The following ABAT variants were observed in gnomAD, a reference collection of about 807,000 sequenced individuals.
ABAT encodes the protein 4-aminobutyrate aminotransferase, mitochondrial.
A neutral mutation model predicts 64.6 loss-of-function variants in ABAT; 45 were observed. That is an observed-to-expected ratio of 0.70 (90% confidence interval 0.55 to 0.89). The LOEUF is 0.89. Among genes scored for constraint, ABAT ranks in the 40% least tolerant of loss-of-function variants. ABAT has a pLI of 0.00. For missense variants in ABAT, 633 were observed against 658.4 expected (o/e 0.96, Z 0.42); for synonymous variants, 297 against 250.5 (o/e 1.19, Z -1.75).
intron 1 of ABAT, among the ~76,000 whole-genome samples, chr16:8,698,503 C>G (rs113486306): frequency 6.6e-6 from 1 of 151,946 alleles, no homozygotes; most frequent in African/African-American, 2.4e-5. Flanking sequence ...CCAGCTAATT[C>G]TTGTATGTTT....
intron 14 of ABAT, among the ~76,000 whole-genome samples, chr16:8,778,572 C>T (rs1004882177): frequency 2.0e-5 from 3 of 151,970 alleles, no homozygotes; most frequent in South Asian, 2.1e-4. Flanking sequence ...GTCAGGAGTT[C>T]GAAACCAGCC....
At chr16:8,743,823 A>C (rs914397872) in intron 2 of ABAT, among the ~76,000 whole-genome samples, 1 of 151,932 alleles carries the variant, frequency 6.6e-6, no homozygotes, top group African/African-American at 2.4e-5. Flanking sequence ...AATTATGGCA[A>C]CCCCAGTAAG....
intron 1 of ABAT, among the ~76,000 whole-genome samples, chr16:8,677,088 C>CTCT (rs2057221713): frequency 6.6e-6 from 1 of 152,182 alleles, no homozygotes; most frequent in Non-Finnish European, 1.5e-5. Context: ...CCCTGGAGAC[C>CTCT]TCTTATCTGG....
intron 5 of ABAT, chr16:8,757,161 A>G (rs781722662): frequency 4.4e-6 from 2 of 452,404 alleles, no homozygotes; most frequent in South Asian, 3.1e-5. Context: ...TCTTGCATTT[A>G]TCTCCCTTTT....
intron 1 of ABAT, among the ~76,000 whole-genome samples, chr16:8,711,516 C>A (rs1348869773): frequency 6.6e-6 from 1 of 152,154 alleles, no homozygotes; most frequent in South Asian, 2.1e-4. Context: ...AGATGCTCAA[C>A]ATAGGAAAGG....
In ABAT at chr16:8,750,655, C is replaced by T. The variant is rs1245309338; in HGVS notation, c.316+116C>T. The T allele has an allele frequency of 3.3e-6, 3 of 897,600 alleles. No individual in the cohort carries two copies. The East Asian group carries it at 7.2e-5, about 22-fold the overall frequency. The allele number at this position is 897,600 out of a possible 1,614,324, so 55.6% of individuals were successfully genotyped here. A position where few individuals can be genotyped will look rare whatever the true frequency, so the allele number is the denominator to read the frequency against. ...AGGCACATCCCAGAGTGTTGCCTGA[C>T]ACTTCACCCAAGGGTAGGAAAAAAA... On this transcript the variant is annotated intron_variant, in intron 5 of 15. Transcript: ENST00000268251.
At chr16:8,769,734 C>A (rs972785058) in intron 11 of ABAT, among the ~76,000 whole-genome samples, 12 of 152,078 alleles carry the variant, frequency 7.9e-5, no homozygotes, top group Non-Finnish European at 1.8e-4. Flanking sequence ...ACAGGCAGCA[C>A]CCCCCTACCC....
intron 1 of ABAT, among the ~76,000 whole-genome samples, chr16:8,730,192 C>T (rs888188134): frequency 1.3e-5 from 2 of 152,292 alleles, no homozygotes; most frequent in East Asian, 1.9e-4. Flanking sequence ...CTTGATGATG[C>T]TTAGAGGGTA....
intron 1 of ABAT, among the ~76,000 whole-genome samples, chr16:8,708,434 A>G (rs114402515): frequency 0.014 from 2,050 of 151,832 alleles, 38 homozygotes; most frequent in African/African-American, 0.047. Flanking sequence ...TTCTGTAGAG[A>G]CAGGGATGGC....
At chr16:8,716,722 C>G (rs1228067079) in intron 1 of ABAT, among the ~76,000 whole-genome samples, 1 of 152,216 alleles carries the variant, frequency 6.6e-6, no homozygotes, top group African/African-American at 2.4e-5. Context: ...CTCTCCTAGA[C>G]TAAACTACTT....
At chr16:8,704,835 T>C (rs1013200624) in intron 1 of ABAT, among the ~76,000 whole-genome samples, 1 of 152,174 alleles carries the variant, frequency 6.6e-6, no homozygotes, top group Admixed American at 6.6e-5. Context: ...TGAGCACGCT[T>C]CTTTTTTAAA....
At chr16:8,768,675 TAAAC>T in intron 10 of ABAT, 146 bp from the exon 11 acceptor site, 1 of 1,120,476 alleles carries the variant, frequency 8.9e-7, no homozygotes, top group South Asian at 1.2e-5. Context: ...AATTAAAAAT[TAAAC>T]GATAAAAAGA....
intron 1 of ABAT, among the ~76,000 whole-genome samples, chr16:8,682,898 C>T (rs2057368655): frequency 6.6e-6 from 1 of 152,060 alleles, no homozygotes; most frequent in African/African-American, 2.4e-5. Context: ...AACAATATCC[C>T]CTGGGGTGAT....
At chr16:8,729,224 C>A (rs3095515) in intron 1 of ABAT, among the ~76,000 whole-genome samples, 94,782 of 151,648 alleles carry the variant, frequency 0.63, 30,265 homozygotes, top group Admixed American at 0.7. Context: ...ATGGCCTGAC[C>A]CTGGGGGAGG....
intron 6 of ABAT, among the ~76,000 whole-genome samples, chr16:8,761,396 C>G (rs186067946): frequency 6.6e-6 from 1 of 152,352 alleles, no homozygotes; most frequent in East Asian, 1.9e-4. Flanking sequence ...GTGTCCCAGT[C>G]TCCTCCACCT....
chr16:8,706,106 G>T (rs927174149), intron 1 of ABAT, among the ~76,000 whole-genome samples: 1 of 152,002 alleles, frequency 6.6e-6, no homozygotes, highest in Non-Finnish European at 1.5e-5. Context: ...CATGGAAGGC[G>T]TACATTAAAA....
intron 4 of ABAT, among the ~76,000 whole-genome samples, chr16:8,748,980 T>C (rs2059405146): frequency 6.6e-6 from 1 of 152,228 alleles, no homozygotes; most frequent in South Asian, 2.1e-4. Flanking sequence ...GCCTTTTGAT[T>C]GGATTGTTTC....
intron 1 of ABAT, chr16:8,722,751 C>T (rs2058408171): frequency 8.2e-7 from 1 of 1,215,058 alleles, no homozygotes. Flanking sequence ...AATCCTTCAC[C>T]TGCTTCTTTC....
intron 11 of ABAT, among the ~76,000 whole-genome samples, chr16:8,770,979 T>C (rs1485775614): frequency 6.6e-6 from 1 of 152,160 alleles, no homozygotes; most frequent in African/African-American, 2.4e-5. Flanking sequence ...GTGTGTATTT[T>C]ACACTTACAG....
Sources: gnomAD v4.1 joint callset for allele counts (sites outside exome capture counted in the v4.1 genomes callset) on GRCh38, gnomAD v4.1.1 for gene constraint, MANE v1.5 for transcripts, NCBI Gene and HGNC (gene_info 2026-07-23, HGNC 2026-07-21) for gene names.